The following NRXN3 variants were observed in gnomAD, a reference collection of about 807,000 sequenced individuals.
The protein encoded by NRXN3 is neurexin III.
In NRXN3, 32 loss-of-function variants were observed where a neutral mutation model predicts 137.6. The observed-to-expected ratio is 0.23, with a 90% CI of 0.18 to 0.31. The LOEUF is 0.31. Among genes scored for constraint, NRXN3 ranks in the 10% least tolerant of loss-of-function variants. The probability of loss-of-function intolerance (pLI) is 1.00; values close to 1 mark genes in which losing one functional copy is unlikely to be tolerated. For synonymous variants in NRXN3, 798 were observed against 784.5 expected (o/e 1.02, Z -0.29); for missense variants, 1,574 against 2,062.5 (o/e 0.76, Z 4.59).
At chr14:79,238,947 C>T (rs1243554299) in intron 15 of NRXN3, among the ~76,000 whole-genome samples, 1 of 152,118 alleles carries the variant, frequency 6.6e-6, no homozygotes, top group Non-Finnish European at 1.5e-5. Flanking sequence ...ATATCCAGTC[C>T]AGGCCCTATT....
At chr14:78,936,942 G>T (rs1485661752) in intron 10 of NRXN3, among the ~76,000 whole-genome samples, 1 of 151,912 alleles carries the variant, frequency 6.6e-6, no homozygotes, top group Non-Finnish European at 1.5e-5. Context: ...GTCTCTCTGT[G>T]GGGCAAAGTG....
chr14:78,401,493 T>C (rs919659745), intron 4 of NRXN3, among the ~76,000 whole-genome samples: 1 of 151,942 alleles, frequency 6.6e-6, no homozygotes, highest in Non-Finnish European at 1.5e-5. Context: ...ACCATCACAA[T>C]GAGGATTAGA....
chr14:78,287,501 C>G (rs1185476084), intron 3 of NRXN3, among the ~76,000 whole-genome samples: 1 of 152,190 alleles, frequency 6.6e-6, no homozygotes, highest in African/African-American at 2.4e-5. Context: ...GGAAGAGGCC[C>G]AATAGATTGT....
intron 4 of NRXN3, among the ~76,000 whole-genome samples, chr14:78,463,019 G>T (rs1391759770): frequency 6.6e-6 from 1 of 152,086 alleles, no homozygotes; most frequent in East Asian, 1.9e-4. Context: ...ACCTTTTGGA[G>T]TCTCTAATGT....
chr14:79,436,524 T>A (rs1342992748), intron 15 of NRXN3, among the ~76,000 whole-genome samples: 1 of 152,200 alleles, frequency 6.6e-6, no homozygotes, highest in Admixed American at 6.5e-5. Flanking sequence ...CTGGCTTGTT[T>A]CTATTTCAGG....
chr14:78,556,230 C>T (rs1316908127), intron 4 of NRXN3, among the ~76,000 whole-genome samples: 1 of 152,204 alleles, frequency 6.6e-6, no homozygotes. Context: ...CATGACATCA[C>T]TAATTCATAC....
intron 16 of NRXN3, among the ~76,000 whole-genome samples, chr14:79,538,036 T>C (rs1482353301): frequency 6.6e-5 from 10 of 152,264 alleles, no homozygotes; most frequent in African/African-American, 2.4e-4. Flanking sequence ...ATTTCTCTGA[T>C]GGCCGGTGAT....
At chr14:78,353,309 A>G (rs1196200373) in intron 4 of NRXN3, among the ~76,000 whole-genome samples, 1 of 152,110 alleles carries the variant, frequency 6.6e-6, no homozygotes, top group East Asian at 1.9e-4. Context: ...CCGTAGATTG[A>G]GTGGCTTGTA....
intron 4 of NRXN3, among the ~76,000 whole-genome samples, chr14:78,374,615 C>A (rs575402221): frequency 9.9e-5 from 15 of 151,728 alleles, no homozygotes; most frequent in Non-Finnish European, 2.2e-4. Flanking sequence ...TACTAAAATA[C>A]CAAAATTAGC....
At chr14:78,530,272 G>C (rs1599956305) in intron 4 of NRXN3, among the ~76,000 whole-genome samples, 1 of 152,144 alleles carries the variant, frequency 6.6e-6, no homozygotes, top group African/African-American at 2.4e-5. Flanking sequence ...GAGGCACCAG[G>C]TTACTTTTTA....
At chr14:79,182,343 C>T (rs1179022495) in intron 15 of NRXN3, among the ~76,000 whole-genome samples, 1 of 151,306 alleles carries the variant, frequency 6.6e-6, no homozygotes, top group Non-Finnish European at 1.5e-5. Flanking sequence ...AATAATTATA[C>T]AACTCACCAT....
At chr14:79,287,143 T>G (rs1285979437) in intron 15 of NRXN3, among the ~76,000 whole-genome samples, 1 of 152,162 alleles carries the variant, frequency 6.6e-6, no homozygotes, top group Non-Finnish European at 1.5e-5. Context: ...TACATACACT[T>G]TTTTGCCTCC....
intron 15 of NRXN3, among the ~76,000 whole-genome samples, chr14:79,428,881 G>A (rs1252458556): frequency 6.6e-6 from 1 of 152,078 alleles, no homozygotes; most frequent in East Asian, 1.9e-4. Context: ...AATAGGAGTG[G>A]GCAGATATGT....
At chr14:78,191,823 G>C (rs1451066522) in intron 1 of NRXN3, among the ~76,000 whole-genome samples, 1 of 152,178 alleles carries the variant, frequency 6.6e-6, no homozygotes, top group Admixed American at 6.5e-5. Context: ...CGATGGGTCA[G>C]AGTTCCAGAA....
Position 78,322,564 on chromosome 14 carries a change from A to G in NRXN3, c.757+24704A>G, listed in dbSNP as rs555597192. 3.3e-5 allele frequency among the ~76,000 whole-genome samples: 5 copies of G among 152,038 alleles called. No individual in the cohort carries two copies. In the East Asian group the frequency reaches 9.7e-4, roughly 29 times the overall value. ...AAATCCTCCCTCAACTCTGTGCTCCATGTGTCACTCTCCCAATGAAAAGAC... is the reference window on the plus strand; with the variant it reads ...AAATCCTCCCTCAACTCTGTGCTCCGTGTGTCACTCTCCCAATGAAAAGAC... On this transcript the variant is annotated intron_variant, in intron 4 of 20. Transcript: ENST00000335750.
chr14:79,131,288 T>A (rs1347478766), intron 15 of NRXN3, among the ~76,000 whole-genome samples: 4 of 152,150 alleles, frequency 2.6e-5, no homozygotes, highest in East Asian at 1.9e-4. Context: ...TCTGCTCTGT[T>A]TTTTCCCCAT....
At chr14:79,033,710 T>C (rs956118763) in intron 15 of NRXN3, among the ~76,000 whole-genome samples, 3 of 152,140 alleles carry the variant, frequency 2.0e-5, no homozygotes, top group Admixed American at 2.0e-4. Flanking sequence ...CCTAAAGAGC[T>C]ATAATAAGAA....
chr14:79,485,446 C>T (rs1331527728), intron 16 of NRXN3, among the ~76,000 whole-genome samples: 2 of 152,116 alleles, frequency 1.3e-5, no homozygotes, highest in South Asian at 2.1e-4. Context: ...ATAATTCTTT[C>T]CCTTCAATTA....
intron 1 of NRXN3, among the ~76,000 whole-genome samples, chr14:78,202,801 T>C (rs1048166194): frequency 5.3e-5 from 8 of 152,222 alleles, no homozygotes; most frequent in South Asian, 4.1e-4. Context: ...GAGTACTGTG[T>C]GCTAGACTCA....
Sources: gnomAD v4.1 joint callset for allele counts (sites outside exome capture counted in the v4.1 genomes callset) on GRCh38, gnomAD v4.1.1 for gene constraint, MANE v1.5 for transcripts, NCBI Gene and HGNC (gene_info 2026-07-23, HGNC 2026-07-21) for gene names.